Variants in DAPK1 observed in about 807,000 individuals in gnomAD.
The protein encoded by DAPK1 is death associated protein kinase 1.
DAPK1 carries 56 observed loss-of-function variants against 144.9 expected under a neutral mutation model. The ratio of observed to expected loss-of-function variants is 0.39; its 90% CI spans 0.31 to 0.48. The LOEUF (loss-of-function observed/expected upper bound fraction) is 0.48, where lower values mean the gene tolerates loss of function less well. Ranked by LOEUF, DAPK1 falls within the 20% of genes least tolerant of loss-of-function variation. The pLI is 0.95. For synonymous variants in DAPK1, 690 were observed against 749.0 expected (o/e 0.92, Z 1.29); for missense variants, 1,454 against 1,875.4 (o/e 0.78, Z 4.15).
intron 17 of DAPK1, among the ~76,000 whole-genome samples, chr9:87,653,746 T>G (rs1262168581): frequency 6.6e-6 from 1 of 152,116 alleles, no homozygotes; most frequent in Non-Finnish European, 1.5e-5. Context: ...TGGGCTGGAG[T>G]GCAGTGGCCC....
At chr9:87,549,036 C>T (rs1186530631) in intron 2 of DAPK1, among the ~76,000 whole-genome samples, 3 of 148,030 alleles carry the variant, frequency 2.0e-5, no homozygotes, top group Non-Finnish European at 1.5e-5. Flanking sequence ...CACAGATCAT[C>T]CAATCACCTA....
chr9:87,549,043 C>T (rs1473997465), intron 2 of DAPK1, among the ~76,000 whole-genome samples: 4 of 149,278 alleles, frequency 2.7e-5, no homozygotes, highest in African/African-American at 7.4e-5. Context: ...CATCCAATCA[C>T]CTAGATATTA....
At chr9:87,704,382 G>A (rs1825560757) in intron 25 of DAPK1, among the ~76,000 whole-genome samples, 1 of 152,134 alleles carries the variant, frequency 6.6e-6, no homozygotes, top group Admixed American at 6.5e-5. Context: ...ATCCCTGCTT[G>A]CCCTTGAGAG....
At chr9:87,540,893 C>A (rs1187736243) in intron 2 of DAPK1, among the ~76,000 whole-genome samples, 2 of 152,158 alleles carry the variant, frequency 1.3e-5, no homozygotes, top group Admixed American at 1.3e-4. Context: ...AAACTGTTTT[C>A]TCTTTCCCCG....
intron 2 of DAPK1, among the ~76,000 whole-genome samples, chr9:87,567,776 A>G (rs920696029): frequency 2.6e-5 from 4 of 151,584 alleles, no homozygotes; most frequent in African/African-American, 4.9e-5. Context: ...ACCCCACCGG[A>G]CCTCCCTCCA....
intron 2 of DAPK1, among the ~76,000 whole-genome samples, chr9:87,511,668 T>TTG (rs59377718): frequency 0.048 from 6,766 of 140,658 alleles, 211 homozygotes; most frequent in East Asian, 0.13. Flanking sequence ...TCTTTTTCTT[T>TTG]TGTGTGTGTG....
At chr9:87,684,168 G>A (rs1824746023) in intron 20 of DAPK1, among the ~76,000 whole-genome samples, 1 of 152,258 alleles carries the variant, frequency 6.6e-6, no homozygotes, top group South Asian at 2.1e-4. Flanking sequence ...GCGGCCTGGG[G>A]AGATTGGACT....
intron 21 of DAPK1, among the ~76,000 whole-genome samples, chr9:87,689,864 T>C (rs918577020): frequency 3.9e-5 from 6 of 152,214 alleles, no homozygotes; most frequent in African/African-American, 1.4e-4. Context: ...TTGGTCTATG[T>C]GTCTGTTTTT....
At chr9:87,598,536 G>A (rs1828398947) in intron 2 of DAPK1, among the ~76,000 whole-genome samples, 1 of 152,026 alleles carries the variant, frequency 6.6e-6, no homozygotes. Flanking sequence ...CTAATGGCAT[G>A]TCTGGATCAG....
Position 87,686,503 on chromosome 9 carries a change from C to A in DAPK1, c.2225-48C>A, listed in dbSNP as rs1169459388. On this transcript the variant is annotated intron_variant, in intron 20 of 25. Coordinates refer to ENST00000408954, the MANE Select transcript of DAPK1 (RefSeq NM_004938.4). This position sits in a 1 kb window ranked among gnomAD's most constrained non-coding sequence, Gnocchi z 4.2. ...AGGGCCAGCCTGGGAGGGAGACAGG[C>A]ACACGCTGCCCCCATCGAGTACTCA... 2 of 1,069,874 alleles carry A rather than the reference C, an allele frequency of 1.9e-6. No individual in the cohort carries two copies. Among genetic ancestry groups the A allele is most frequent in the South Asian group, 2.8e-5 (2 of 72,152 alleles). 66.3% of individuals were successfully genotyped at this position (1,069,874 alleles called of 1,614,324 possible).
chr9:87,599,302 A>G (rs1828429691), intron 2 of DAPK1, among the ~76,000 whole-genome samples: 2 of 152,232 alleles, frequency 1.3e-5, no homozygotes, highest in African/African-American at 2.4e-5. Flanking sequence ...GACGATGTGT[A>G]TCTCATGGAG....
intron 17 of DAPK1, among the ~76,000 whole-genome samples, chr9:87,652,831 T>C (rs13301944): frequency 2.7e-4 from 33 of 123,080 alleles, no homozygotes; most frequent in Non-Finnish European, 2.9e-4. Context: ...TCCATCCCCC[T>C]GATCCCAGGT....
chr9:87,606,536 CCCT>C (rs1828723910), intron 3 of DAPK1, among the ~76,000 whole-genome samples: 1 of 93,878 alleles, frequency 1.1e-5, no homozygotes, highest in East Asian at 3.8e-4. Flanking sequence ...CTTCCTTCCC[CCCT>C]CCCTCCCTCT....
At chr9:87,564,107 C>G (rs1827029347) in intron 2 of DAPK1, among the ~76,000 whole-genome samples, 1 of 152,344 alleles carries the variant, frequency 6.6e-6, no homozygotes, top group East Asian at 1.9e-4. Context: ...ATACACATCT[C>G]TGTTACTGGC....
intron 17 of DAPK1, 86 bp from the exon 18 acceptor site, chr9:87,657,943 C>T: frequency 1.4e-6 from 1 of 719,040 alleles, no homozygotes; most frequent in Non-Finnish European, 2.6e-6. Context: ...GGGCCCTGAC[C>T]CCTTCCTTAA....
intron 19 of DAPK1, among the ~76,000 whole-genome samples, chr9:87,670,300 C>T (rs746413439): frequency 3.3e-5 from 5 of 152,156 alleles, no homozygotes; most frequent in African/African-American, 9.6e-5. Context: ...AAACCAGACA[C>T]GTTGGGCACA....
chr9:87,660,040 G>C (rs557372233), intron 18 of DAPK1, among the ~76,000 whole-genome samples: 1 of 152,132 alleles, frequency 6.6e-6, no homozygotes, highest in Non-Finnish European at 1.5e-5. Context: ...GCGCCCCTGC[G>C]GGAGGCATTG....
At chr9:87,594,662 T>C (rs977673439) in intron 2 of DAPK1, among the ~76,000 whole-genome samples, 9 of 152,222 alleles carry the variant, frequency 5.9e-5, no homozygotes, top group Non-Finnish European at 8.8e-5. Context: ...TACTGTGCTC[T>C]CTATACCCAG....
rs571124927 is a variant in DAPK1, at chr9:87,509,288, G to T, written c.62+10149G>T. 7.2e-5 allele frequency among the ~76,000 whole-genome samples: 11 copies of T among 152,290 alleles called. No homozygotes were observed. The South Asian group carries it at 1.7e-3, about 23-fold the overall frequency. Reference sequence around the variant, plus strand: ...TTGGTAAGGCAAAAAGCGCTAAAAAGTTATTTATTACCTTAAAATAATATT... The same window carrying T: ...TTGGTAAGGCAAAAAGCGCTAAAAATTTATTTATTACCTTAAAATAATATT... On this transcript the variant is annotated intron_variant, in intron 2 of 25. Coordinates refer to ENST00000408954, the MANE Select transcript of DAPK1 (RefSeq NM_004938.4).
Sources: gnomAD v4.1 joint callset for allele counts (sites outside exome capture counted in the v4.1 genomes callset) on GRCh38, gnomAD v4.1.1 for gene constraint, Gnocchi (gnomAD v3.1) non-coding constraint, MANE v1.5 for transcripts, NCBI Gene and HGNC (gene_info 2026-07-23, HGNC 2026-07-21) for gene names.